Variants in FUT9 observed in about 807,000 individuals in gnomAD.
The protein encoded by FUT9 is fucosyltransferase 9, also known as 4-galactosyl-N-acetylglucosaminide 3-alpha-L-fucosyltransferase 9.
FUT9 carries 15 observed loss-of-function variants against 29.7 expected under a neutral mutation model. The ratio of observed to expected loss-of-function variants is 0.51; its 90% CI spans 0.34 to 0.78. The LOEUF is 0.78. Among genes scored for constraint, FUT9 ranks in the 30% least tolerant of loss-of-function variants. The pLI is 0.01. For missense variants in FUT9, 319 were observed against 425.4 expected (o/e 0.75, Z 2.20); for synonymous variants, 169 against 153.7 (o/e 1.10, Z -0.74).
intron 2 of FUT9, among the ~76,000 whole-genome samples, chr6:96,191,821 G>A (rs963114685): frequency 2.1e-4 from 32 of 152,182 alleles, no homozygotes; most frequent in South Asian, 1.0e-3. Context: ...CTGGCAAACC[G>A]AATCCAGCAG....
chr6:96,035,660 A>AATATT (rs1554187854), intron 1 of FUT9, among the ~76,000 whole-genome samples: 1 of 140,032 alleles, frequency 7.1e-6, no homozygotes, highest in Non-Finnish European at 1.5e-5. Flanking sequence ...ATACTAATAT[A>AATATT]ATATTATATT....
intron 2 of FUT9, among the ~76,000 whole-genome samples, chr6:96,124,352 A>C (rs4371850): frequency 3.3e-5 from 5 of 151,744 alleles, no homozygotes; most frequent in African/African-American, 1.2e-4. Context: ...GGGTTTCACC[A>C]AGTTAGCCAG....
intron 2 of FUT9, among the ~76,000 whole-genome samples, chr6:96,141,803 A>G (rs1772468823): frequency 6.6e-6 from 1 of 152,242 alleles, no homozygotes; most frequent in Non-Finnish European, 1.5e-5. Context: ...CCACTGGCAC[A>G]GTACTACTTC....
At chr6:96,155,998 GCTT>G (rs1363625072) in intron 2 of FUT9, among the ~76,000 whole-genome samples, 1 of 152,166 alleles carries the variant, frequency 6.6e-6, no homozygotes, top group Non-Finnish European at 1.5e-5. Flanking sequence ...AAAACCAACT[GCTT>G]CTTCCAACAT....
chr6:96,063,380 C>A (rs911801108), intron 1 of FUT9, among the ~76,000 whole-genome samples: 1 of 152,084 alleles, frequency 6.6e-6, no homozygotes, highest in African/African-American at 2.4e-5. Flanking sequence ...AAAGGGGGAA[C>A]AAGCGCATCA....
At chr6:96,062,144 C>A (rs1770885792) in intron 1 of FUT9, among the ~76,000 whole-genome samples, 1 of 151,856 alleles carries the variant, frequency 6.6e-6, no homozygotes, top group Non-Finnish European at 1.5e-5. Flanking sequence ...ACCTATGTAG[C>A]AAACCTGCAT....
chr6:96,021,497 G>A (rs552399092), intron 1 of FUT9, among the ~76,000 whole-genome samples: 2 of 151,994 alleles, frequency 1.3e-5, no homozygotes, highest in African/African-American at 4.8e-5. Flanking sequence ...AAGTACAAGC[G>A]GAGGATGCAG....
intron 2 of FUT9, among the ~76,000 whole-genome samples, chr6:96,122,591 A>C (rs1167707957): frequency 6.6e-6 from 1 of 152,172 alleles, no homozygotes; most frequent in African/African-American, 2.4e-5. Flanking sequence ...AAACATTTTA[A>C]CATGTTCATT....
At chr6:96,159,680 A>G (rs1477487116) in intron 2 of FUT9, among the ~76,000 whole-genome samples, 1 of 152,174 alleles carries the variant, frequency 6.6e-6, no homozygotes, top group Non-Finnish European at 1.5e-5. Flanking sequence ...GCCAGGATCC[A>G]AGTTCCATTC....
chr6:96,089,135 T>G (rs1771370321), intron 1 of FUT9, among the ~76,000 whole-genome samples: 1 of 152,230 alleles, frequency 6.6e-6, no homozygotes, highest in Non-Finnish European at 1.5e-5. Context: ...ATGTGAGATC[T>G]GAAGGGTTGC....
chr6:96,175,347 T>A (rs1331065113), intron 2 of FUT9, among the ~76,000 whole-genome samples: 1 of 152,178 alleles, frequency 6.6e-6, no homozygotes, highest in Non-Finnish European at 1.5e-5. Flanking sequence ...TATTTTTGTT[T>A]CCTATCTGTC....
At chr6:96,069,446 T>C (rs1242999827) in intron 1 of FUT9, among the ~76,000 whole-genome samples, 5 of 152,056 alleles carry the variant, frequency 3.3e-5, no homozygotes, top group Non-Finnish European at 7.3e-5. Flanking sequence ...GAAAAAATCT[T>C]AGTGACAAGA....
rs540248856 is a variant in FUT9 at position 96,176,593 on chromosome 6, T to C, written c.-8-26555T>C. On this transcript the variant is annotated intron_variant, in intron 2 of 2. Transcript: ENST00000302103. ...TGACTGTGGATTTAAACAGTTCCTT[T>C]GGGAAATTTTGCTTTTTCATTCGCC... 4.6e-5 allele frequency among the ~76,000 whole-genome samples: 7 copies of C among 152,238 alleles called. No individual in the cohort carries two copies. In the East Asian group the frequency reaches 1.2e-3, roughly 25 times the overall value.
At chr6:96,045,693 G>T (rs1311461584) in intron 1 of FUT9, among the ~76,000 whole-genome samples, 4 of 152,174 alleles carry the variant, frequency 2.6e-5, no homozygotes, top group Admixed American at 6.5e-5. Flanking sequence ...AGAAAAGGGT[G>T]CTTGGATGGG....
intron 1 of FUT9, among the ~76,000 whole-genome samples, chr6:96,017,061 C>T (rs1769993670): frequency 6.6e-6 from 1 of 152,132 alleles, no homozygotes; most frequent in African/African-American, 2.4e-5. Flanking sequence ...AGGTTAAGAA[C>T]GGAGGACTTG....
chr6:96,125,935 C>A (rs888914337), intron 2 of FUT9, among the ~76,000 whole-genome samples: 5 of 152,156 alleles, frequency 3.3e-5, no homozygotes, highest in Non-Finnish European at 7.4e-5. Flanking sequence ...CCACCAAGTG[C>A]TCTAGGGAAT....
At chr6:96,069,415 G>C (rs776094259) in intron 1 of FUT9, among the ~76,000 whole-genome samples, 10 of 151,858 alleles carry the variant, frequency 6.6e-5, no homozygotes, top group Admixed American at 5.3e-4. Context: ...TGAGTAATCA[G>C]ATTGCCAAAT....
At chr6:96,017,517 A>T (rs1445280958) in intron 1 of FUT9, among the ~76,000 whole-genome samples, 1 of 152,204 alleles carries the variant, frequency 6.6e-6, no homozygotes, top group Non-Finnish European at 1.5e-5. Context: ...TGTGCTCTCA[A>T]TTTCTCATGT....
chr6:96,067,710 G>C (rs1770988066), intron 1 of FUT9, among the ~76,000 whole-genome samples: 1 of 152,004 alleles, frequency 6.6e-6, no homozygotes, highest in Non-Finnish European at 1.5e-5. Flanking sequence ...ATTGTGGTTG[G>C]AAGTATAGAA....
Sources: gnomAD v4.1 joint callset for allele counts (sites outside exome capture counted in the v4.1 genomes callset) on GRCh38, gnomAD v4.1.1 for gene constraint, MANE v1.5 for transcripts, NCBI Gene and HGNC (gene_info 2026-07-23, HGNC 2026-07-21) for gene names.